Variants in RBFOX2 observed in about 807,000 individuals in gnomAD.
RBFOX2 encodes RNA binding fox-1 homolog 2.
RBFOX2 carries 10 observed loss-of-function variants against 49.1 expected under a neutral mutation model. The ratio of observed to expected loss-of-function variants is 0.20; its 90% confidence interval spans 0.13 to 0.35. RBFOX2 has a LOEUF of 0.35. RBFOX2 is among the 10% of genes least tolerant of loss of function. RBFOX2 has a pLI of 1.00. For missense variants in RBFOX2, 323 were observed against 486.9 expected (o/e 0.66, Z 3.17); for synonymous variants, 183 against 187.4 (o/e 0.98, Z 0.19).
chr22:35,874,528 C>A (rs2044768367), intron 1 of RBFOX2, among the ~76,000 whole-genome samples: 1 of 151,740 alleles, frequency 6.6e-6, no homozygotes, highest in South Asian at 2.1e-4. Flanking sequence ...TTTGACATAA[C>A]AATCTTAAAT....
chr22:35,840,153 G>A (rs1321778128), intron 1 of RBFOX2: 6 of 1,606,800 alleles, frequency 3.7e-6, no homozygotes, highest in Non-Finnish European at 5.1e-6. Flanking sequence ...AGATCCCAGA[G>A]AGGAGAAAAG....
intron 4 of RBFOX2, chr22:35,777,745 T>G (rs1944282110): frequency 2.7e-6 from 1 of 375,760 alleles, no homozygotes; most frequent in South Asian, 7.8e-5. Flanking sequence ...TTAAGGCTCA[T>G]AAAGCACTGT....
intron 2 of RBFOX2, among the ~76,000 whole-genome samples, chr22:35,792,315 C>CAA (rs1187704252): frequency 1.9e-4 from 7 of 36,372 alleles, no homozygotes; most frequent in East Asian, 1.6e-3. Context: ...AACTCCGTCT[C>CAA]AAAAAAAAAA....
At chr22:35,741,322 T>G (rs1174189254) in exon 12 of RBFOX2, 10 of 152,272 alleles carry the variant, frequency 6.6e-5, no homozygotes, top group Non-Finnish European at 1.2e-4. Flanking sequence ...GTACTGTGAT[T>G]TAGCATCAGT....
intron 1 of RBFOX2, among the ~76,000 whole-genome samples, chr22:35,929,001 AC>A (rs1315813094): frequency 1.3e-5 from 2 of 152,094 alleles, no homozygotes; most frequent in Non-Finnish European, 2.9e-5. Context: ...AGCTGGTAAT[AC>A]CAGCTACTCA....
intron 6 of RBFOX2, among the ~76,000 whole-genome samples, chr22:35,761,824 G>A (rs768987729): frequency 6.6e-6 from 1 of 152,072 alleles, no homozygotes; most frequent in Non-Finnish European, 1.5e-5. Flanking sequence ...AAAGAAGGCC[G>A]ACTATATGTC....
At chr22:36,016,093 A>T (rs1194043219) in intron 1 of RBFOX2, among the ~76,000 whole-genome samples, 3 of 152,200 alleles carry the variant, frequency 2.0e-5, no homozygotes, top group African/African-American at 7.2e-5. Flanking sequence ...ACCCCCTGAA[A>T]GTAACCCCTA....
chr22:36,027,450 C>A (rs1310077357), intron 1 of RBFOX2, among the ~76,000 whole-genome samples: 1 of 152,186 alleles, frequency 6.6e-6, no homozygotes. Flanking sequence ...CCATTCCCTA[C>A]CCAAATTAAC....
intron 1 of RBFOX2, among the ~76,000 whole-genome samples, chr22:35,944,930 A>T (rs1011127444): frequency 2.0e-5 from 3 of 152,160 alleles, no homozygotes; most frequent in African/African-American, 7.2e-5. Context: ...TACAAAAATT[A>T]GCCAGTCTCA....
chr22:35,796,690 C>T (rs1246677438), intron 2 of RBFOX2, among the ~76,000 whole-genome samples: 1 of 152,186 alleles, frequency 6.6e-6, no homozygotes, highest in African/African-American at 2.4e-5. Flanking sequence ...ATCTTTTACT[C>T]ATGATTTTGT....
intron 1 of RBFOX2, among the ~76,000 whole-genome samples, chr22:35,867,023 T>C (rs1348258943): frequency 1.3e-5 from 2 of 152,156 alleles, no homozygotes; most frequent in Admixed American, 1.3e-4. Context: ...CCTTTATTCT[T>C]AGAAAATAAA....
At chr22:35,861,595 A>G (rs2043102391) in intron 1 of RBFOX2, among the ~76,000 whole-genome samples, 1 of 152,208 alleles carries the variant, frequency 6.6e-6, no homozygotes. Context: ...ACCTATTAGT[A>G]TGATATCACT....
At chr22:35,902,854 C>G (rs980259326) in intron 1 of RBFOX2, among the ~76,000 whole-genome samples, 1 of 151,358 alleles carries the variant, frequency 6.6e-6, no homozygotes, top group African/African-American at 2.4e-5. Context: ...GCGGGTCTCA[C>G]TATGTTGCCC....
chr22:35,840,356 T>A, exon 1 of RBFOX2: 1 of 1,549,328 alleles, frequency 6.5e-7, no homozygotes. Context: ...ACCGTTTTCC[T>A]TCCTTTTTCT....
chr22:35,990,849 C>A (rs935212269), intron 1 of RBFOX2, among the ~76,000 whole-genome samples: 1 of 152,102 alleles, frequency 6.6e-6, no homozygotes, highest in Non-Finnish European at 1.5e-5. Flanking sequence ...ATTACACGAG[C>A]TTTTAAGGAA....
chr22:35,752,685 A>G, intron 9 of RBFOX2: 1 of 968,430 alleles, frequency 1.0e-6, no homozygotes. Flanking sequence ...GAGCAGTTCA[A>G]AAAACACAGC....
At chr22:35,995,410 G>T (rs994221386) in intron 1 of RBFOX2, 1 of 152,156 alleles carries the variant, frequency 6.6e-6, no homozygotes. Context: ...TTATCTCCTA[G>T]GATCATAGCT....
intron 2 of RBFOX2, among the ~76,000 whole-genome samples, chr22:35,787,187 G>A (rs575401827): frequency 2.0e-5 from 3 of 152,038 alleles, no homozygotes; most frequent in Non-Finnish European, 4.4e-5. Flanking sequence ...CTACAGGTGC[G>A]AGCCACTACA....
chr22:35,949,070 T>C (rs2054623324), intron 1 of RBFOX2, among the ~76,000 whole-genome samples: 1 of 152,232 alleles, frequency 6.6e-6, no homozygotes, highest in African/African-American at 2.4e-5. Context: ...ACAATATTTA[T>C]TTGCGCCGTG....
Sources: gnomAD v4.1 joint callset for allele counts (sites outside exome capture counted in the v4.1 genomes callset) on GRCh38, gnomAD v4.1.1 for gene constraint, MANE v1.5 for transcripts, NCBI Gene and HGNC (gene_info 2026-07-23, HGNC 2026-07-21) for gene names.